The following DPP10 variants were observed in gnomAD, a reference collection of about 807,000 sequenced individuals.
DPP10 encodes inactive dipeptidyl peptidase 10.
Under a neutral mutation model 120.9 loss-of-function variants are expected in DPP10, and 33 were observed. That is an observed-to-expected ratio of 0.27 (90% confidence interval 0.21 to 0.37). The LOEUF is 0.37. Among genes scored for constraint, DPP10 ranks in the 10% least tolerant of loss-of-function variants. The pLI, the probability that DPP10 is intolerant of heterozygous loss-of-function variation, is 1.00. For synonymous variants in DPP10, 337 were observed against 326.1 expected (o/e 1.03, Z -0.36); for missense variants, 816 against 942.8 (o/e 0.87, Z 1.76).
intron 5 of DPP10, among the ~76,000 whole-genome samples, chr2:115,541,473 G>T (rs1265204903): frequency 1.3e-5 from 2 of 151,320 alleles, no homozygotes; most frequent in Non-Finnish European, 3.0e-5. Flanking sequence ...TGTGTGTTGG[G>T]GTGTGTGTAT....
chr2:115,601,570 A>T (rs1201136276), intron 5 of DPP10, among the ~76,000 whole-genome samples: 1 of 152,224 alleles, frequency 6.6e-6, no homozygotes, highest in Non-Finnish European at 1.5e-5. Flanking sequence ...CCTATTAAAG[A>T]CTAATCTTTA....
At chr2:115,214,686 T>A (rs1260904751) in intron 1 of DPP10, among the ~76,000 whole-genome samples, 3 of 152,146 alleles carry the variant, frequency 2.0e-5, no homozygotes, top group Non-Finnish European at 1.5e-5. Context: ...TCAATAACAC[T>A]CAATGATCTT....
At chr2:114,567,197 A>AT (rs545295935) in intron 1 of DPP10, among the ~76,000 whole-genome samples, 57 of 152,202 alleles carry the variant, frequency 3.7e-4, no homozygotes, top group African/African-American at 1.3e-3. Flanking sequence ...GGCAGGTACA[A>AT]TTTTTTTGGC....
At chr2:115,793,199 A>G (rs1467417201) in intron 19 of DPP10, among the ~76,000 whole-genome samples, 1 of 152,040 alleles carries the variant, frequency 6.6e-6, no homozygotes, top group African/African-American at 2.4e-5. Context: ...GGGATTTTGG[A>G]GCAAAATGCT....
intron 1 of DPP10, among the ~76,000 whole-genome samples, chr2:115,298,570 A>G (rs1407677692): frequency 5.3e-5 from 8 of 152,002 alleles, no homozygotes; most frequent in African/African-American, 1.9e-4. Flanking sequence ...GGAACTCACT[A>G]GGTCTGAGCT....
chr2:115,369,098 C>T (rs944024946), intron 3 of DPP10, among the ~76,000 whole-genome samples: 2 of 151,870 alleles, frequency 1.3e-5, no homozygotes, highest in African/African-American at 2.4e-5. Flanking sequence ...GATTGCATGC[C>T]GGATGCTAAT....
At chr2:114,503,995 G>A (rs564365481) in intron 1 of DPP10, among the ~76,000 whole-genome samples, 1 of 152,292 alleles carries the variant, frequency 6.6e-6, no homozygotes, top group South Asian at 2.1e-4. Flanking sequence ...GAATAGATAT[G>A]TTTTAACCAA....
chr2:115,053,934 A>G (rs1374944329), intron 1 of DPP10, among the ~76,000 whole-genome samples: 3 of 152,220 alleles, frequency 2.0e-5, no homozygotes, highest in Middle Eastern at 3.2e-3. Flanking sequence ...GAGCATATCA[A>G]TAAGTAGTTG....
chr2:115,180,392 C>T (rs1573914595), intron 1 of DPP10, among the ~76,000 whole-genome samples: 1 of 152,214 alleles, frequency 6.6e-6, no homozygotes, highest in South Asian at 2.1e-4. Flanking sequence ...CTTACATATT[C>T]GTACCTAAAA....
chr2:115,418,643 G>A lies in DPP10; in HGVS notation c.271+74731G>A, dbSNP rs965043858. On this transcript the variant is annotated intron_variant, in intron 3 of 25. Transcript: ENST00000410059. The stretch of plus-strand genomic sequence containing the variant: ...TTTAATTAGCTGGGCATGGTGGTGT[G>A]TGTCTGTGGTCCCAGCTACTTGGGA... 5.3e-5 allele frequency among the ~76,000 whole-genome samples: 8 copies of A among 151,558 alleles called. 1 individual carries two copies. The highest frequency in any genetic ancestry group is 1.9e-4 in the African/African-American group (8 of 41,186).
At chr2:114,843,324 G>A (rs1050747176) in intron 1 of DPP10, among the ~76,000 whole-genome samples, 1 of 152,088 alleles carries the variant, frequency 6.6e-6, no homozygotes. Context: ...GTCCCCTGAA[G>A]AAATAAATAT....
intron 5 of DPP10, among the ~76,000 whole-genome samples, chr2:115,670,256 A>G (rs905724223): frequency 9.9e-5 from 15 of 152,144 alleles, no homozygotes; most frequent in African/African-American, 2.2e-4. Flanking sequence ...GGGTTTTAAC[A>G]TATAAATTTG....
chr2:115,464,772 G>A (rs1435319782), intron 3 of DPP10, among the ~76,000 whole-genome samples: 1 of 152,066 alleles, frequency 6.6e-6, no homozygotes, highest in East Asian at 1.9e-4. Context: ...CCTCCCCTTG[G>A]CCTTATGGAA....
At chr2:115,506,001 A>T (rs202168738) in intron 4 of DPP10, among the ~76,000 whole-genome samples, 1 of 118,246 alleles carries the variant, frequency 8.5e-6, no homozygotes, top group African/African-American at 2.8e-5. Flanking sequence ...TACAAATAAA[A>T]TAATAAAACA....
chr2:115,834,254 C>G (rs953236781), intron 21 of DPP10, among the ~76,000 whole-genome samples: 2 of 152,078 alleles, frequency 1.3e-5, no homozygotes, highest in African/African-American at 4.8e-5. Context: ...AAATGAAATT[C>G]TTTATTTCTT....
chr2:115,594,111 G>T (rs996217597), intron 5 of DPP10, among the ~76,000 whole-genome samples: 3 of 152,136 alleles, frequency 2.0e-5, no homozygotes, highest in African/African-American at 7.2e-5. Flanking sequence ...GTCATTCCAA[G>T]GGGCTATTAT....
intron 1 of DPP10, among the ~76,000 whole-genome samples, chr2:114,673,373 C>T (rs997028920): frequency 6.6e-6 from 1 of 152,126 alleles, no homozygotes; most frequent in South Asian, 2.1e-4. Context: ...GTATTTCCTA[C>T]TCAGATCTCA....
chr2:115,440,588 C>A (rs1177344000), intron 3 of DPP10, among the ~76,000 whole-genome samples: 1 of 152,158 alleles, frequency 6.6e-6, no homozygotes, highest in Non-Finnish European at 1.5e-5. Context: ...AAAATTCTCT[C>A]GGCCCCGAGG....
intron 1 of DPP10, among the ~76,000 whole-genome samples, chr2:114,953,922 G>A (rs537527749): frequency 6.6e-5 from 10 of 151,904 alleles, no homozygotes; most frequent in African/African-American, 2.4e-4. Flanking sequence ...AATCATTTTG[G>A]TGAAAAGTTA....
Sources: gnomAD v4.1 joint callset for allele counts (sites outside exome capture counted in the v4.1 genomes callset) on GRCh38, gnomAD v4.1.1 for gene constraint, MANE v1.5 for transcripts, NCBI Gene and HGNC (gene_info 2026-07-23, HGNC 2026-07-21) for gene names.